CABP1: variants seen among roughly 807,000 people sequenced by gnomAD.
The protein encoded by CABP1 is calcium binding protein 1.
CABP1 carries 17 observed loss-of-function variants against 34.3 expected under a neutral mutation model. That is an observed-to-expected ratio of 0.50 (90% CI 0.34 to 0.74). The LOEUF (loss-of-function observed/expected upper bound fraction) is 0.74. CABP1 is among the 30% of genes least tolerant of loss of function. The pLI is 0.01. For synonymous variants in CABP1, 198 were observed against 229.2 expected (o/e 0.86, Z 1.23); for missense variants, 373 against 511.1 (o/e 0.73, Z 2.61).
the CABP1 span, among the ~76,000 whole-genome samples, chr12:120,673,208 A>G: frequency 6.6e-6 from 1 of 152,182 alleles, no homozygotes; most frequent in Non-Finnish European, 1.5e-5. Flanking sequence ...TAAGGTGATT[A>G]CAAGAGTGCT....
Position 120,660,508 on chromosome 12 carries a change from G to A in CABP1, c.829+169G>A, listed in dbSNP as rs1033203243. 4.1e-4 allele frequency among the ~76,000 whole-genome samples: 63 copies of A among 152,230 alleles called. No individual in the cohort carries two copies. The highest frequency in any genetic ancestry group is 1.5e-3 in the African/African-American group (61 of 41,450). ...CAGTTTCCTCACCTGTAAAATGAGGGCCGAATTGGAGGAGTGGAGCCCAGA... is the reference window on the plus strand; with the variant it reads ...CAGTTTCCTCACCTGTAAAATGAGGACCGAATTGGAGGAGTGGAGCCCAGA... On this transcript the variant is annotated intron_variant, in intron 3 of 5. Transcript: ENST00000316803. The surrounding 1 kb of genome is among the most constrained non-coding windows in gnomAD (Gnocchi z 5.0).
chr12:120,653,510 AGTTTT>A (rs372471603), intron 1 of CABP1, among the ~76,000 whole-genome samples: 28 of 152,130 alleles, frequency 1.8e-4, no homozygotes, highest in Middle Eastern at 6.8e-3. Flanking sequence ...TGCCTTTTAA[AGTTTT>A]GTTTTGTTTT....
chr12:120,667,105 C>G lies in CABP1; in HGVS notation c.*205C>G, dbSNP rs1398279541. 2 of 625,724 alleles carry G rather than the reference C, an allele frequency of 3.2e-6. No homozygotes were observed. The highest frequency in any genetic ancestry group is 5.5e-6 in the Non-Finnish European group (2 of 362,170). The allele number at this position is 625,724 out of a possible 1,614,324, so 38.8% of individuals were successfully genotyped here. A position where few individuals can be genotyped will look rare whatever the true frequency, so the allele number is the denominator to read the frequency against. ...TCCTGCAACTGGAAAGCGGGGGCGC[C>G]CGCCGACGAGGAGGCCACCGTGCCA... On this transcript the variant is annotated 3_prime_UTR_variant, in exon 6 of 6. Coordinates refer to ENST00000316803, the MANE Select transcript of CABP1 (RefSeq NM_001033677.2).
chr12:120,660,141 C>T lies in CABP1; in HGVS notation c.686-55C>T. On this transcript the variant is annotated intron_variant, in intron 2 of 5. Coordinates refer to ENST00000316803, the MANE Select transcript of CABP1 (RefSeq NM_001033677.2). This position sits in a 1 kb window ranked among gnomAD's most constrained non-coding sequence, Gnocchi z 5.0. ...TGGGCCTTTGGGCTGCCTTTGCCCA[C>T]AGAGGCTCTGCGGGTCCTACCCCTG... The T allele has an allele frequency of 6.2e-7, 1 of 1,604,214 alleles. No homozygotes were observed. The highest frequency in any genetic ancestry group is 8.5e-7 in the Non-Finnish European group (1 of 1,174,174).
downstream of CABP1, among the ~76,000 whole-genome samples, chr12:120,670,110 C>T (rs1881200264): frequency 6.6e-6 from 1 of 152,068 alleles, no homozygotes; most frequent in African/African-American, 2.4e-5. Flanking sequence ...TCAAGCGATC[C>T]TCCTGCCTCA....
chr12:120,676,558 G>C, the CABP1 span, among the ~76,000 whole-genome samples: 9 of 152,016 alleles, frequency 5.9e-5, no homozygotes, highest in South Asian at 1.9e-3. Flanking sequence ...CTCCTGAGTA[G>C]CTGGGATTAC....
Position 120,660,365 on chromosome 12 carries a change from G to A in CABP1, c.829+26G>A, listed in dbSNP as rs765589508. 2.4e-5 allele frequency: 39 copies of A among 1,605,188 alleles called. No individual in the cohort carries two copies. The highest frequency in any genetic ancestry group is 2.0e-4 in the African/African-American group (15 of 74,756). On this transcript the variant is annotated intron_variant, in intron 3 of 5. Transcript: ENST00000316803. The surrounding 1 kb of genome is among the most constrained non-coding windows in gnomAD (Gnocchi z 5.0). The stretch of plus-strand genomic sequence containing the variant: ...GTGAGTCCCTCTACCAGGCATCTGC[G>A]TCCCTTCGGTCCTCACCCTTGCCGT...
At chr12:120,674,905 C>T in the CABP1 span, among the ~76,000 whole-genome samples, 1 of 145,214 alleles carries the variant, frequency 6.9e-6, no homozygotes, top group African/African-American at 2.7e-5. Flanking sequence ...CACCCACCTC[C>T]GCCAAAAAAA....
At chr12:120,654,875 G>T (rs1489865143) in intron 1 of CABP1, among the ~76,000 whole-genome samples, 1 of 152,226 alleles carries the variant, frequency 6.6e-6, no homozygotes, top group East Asian at 1.9e-4. Flanking sequence ...GTCAGGGCCT[G>T]GGAGCACAGC....
intron 1 of CABP1, among the ~76,000 whole-genome samples, chr12:120,657,540 G>T (rs895694351): frequency 6.6e-6 from 1 of 152,154 alleles, no homozygotes; most frequent in African/African-American, 2.4e-5. Context: ...GGGGAGAAAG[G>T]CGTGTTCCTG....
At chr12:120,672,952 C>T in the CABP1 span, among the ~76,000 whole-genome samples, 1 of 152,178 alleles carries the variant, frequency 6.6e-6, no homozygotes, top group African/African-American at 2.4e-5. Flanking sequence ...ATAGCTTGAA[C>T]CTCGGAGGCA....
chr12:120,655,425 A>C, intron 1 of CABP1: 2 of 501,180 alleles, frequency 4.0e-6, no homozygotes, highest in Non-Finnish European at 5.3e-6. Flanking sequence ...AGAGTGCACT[A>C]GCCACACACG....
the CABP1 span, among the ~76,000 whole-genome samples, chr12:120,675,041 G>GC: frequency 6.6e-6 from 1 of 150,712 alleles, no homozygotes; most frequent in South Asian, 2.1e-4. Context: ...TTTATTTTTA[G>GC]TTTTTTTAAA....
chr12:120,669,994 T>A (rs1016987404), downstream of CABP1, among the ~76,000 whole-genome samples: 288 of 125,008 alleles, frequency 2.3e-3, 2 homozygotes, highest in African/African-American at 0.011. Context: ...CCAGGAAACG[T>A]TTTTTTTTCT....
intron 1 of CABP1, chr12:120,650,483 A>T: frequency 6.8e-7 from 1 of 1,463,280 alleles, no homozygotes; most frequent in East Asian, 2.5e-5. Flanking sequence ...GTAAGAGAGC[A>T]CGCGCGCAAG....
At chr12:120,672,728 C>T in the CABP1 span, among the ~76,000 whole-genome samples, 9 of 124,192 alleles carry the variant, frequency 7.2e-5, no homozygotes, top group Non-Finnish European at 1.0e-4. Context: ...AAAAAAAAAA[C>T]CACAAAGAAA....
At position 120,660,892 on chromosome 12, in the gene CABP1, A is replaced by G. The variant is rs893347044; in HGVS notation, c.939+52A>G. 1.4e-6 allele frequency: 2 copies of G among 1,442,184 alleles called. No individual in the cohort carries two copies. The highest frequency in any genetic ancestry group is 2.0e-6 in the Non-Finnish European group (2 of 1,024,086). The allele number at this position is 1,442,184 out of a possible 1,614,324, so 89.3% of individuals were successfully genotyped here. On this transcript the variant is annotated intron_variant, in intron 4 of 5. Coordinates refer to ENST00000316803, the MANE Select transcript of CABP1 (RefSeq NM_001033677.2). The surrounding 1 kb of genome is among the most constrained non-coding windows in gnomAD (Gnocchi z 5.0). ...GGGCGGCTATTGGAATCCTATCTGC[A>G]GTATAAATACTTCAAAAGAAGCCTG...
At chr12:120,667,645 C>A (rs186103157), downstream of CABP1, among the ~76,000 whole-genome samples, 17 of 152,184 alleles carry the variant, frequency 1.1e-4, no homozygotes, top group African/African-American at 4.1e-4. Context: ...CCCGCCACCA[C>A]GCCTGGCTAA....
At chr12:120,677,442 G>T in the CABP1 span, among the ~76,000 whole-genome samples, 32 of 142,570 alleles carry the variant, frequency 2.2e-4, no homozygotes, top group African/African-American at 6.6e-4. Context: ...TGTTGCCCAG[G>T]CTGGAGTACA....
Sources: gnomAD v4.1 joint callset for allele counts (sites outside exome capture counted in the v4.1 genomes callset) on GRCh38, gnomAD v4.1.1 for gene constraint, Gnocchi (gnomAD v3.1) non-coding constraint, MANE v1.5 for transcripts, NCBI Gene and HGNC (gene_info 2026-07-23, HGNC 2026-07-21) for gene names.